The following CCDC50 variants were observed in gnomAD, a reference collection of about 807,000 sequenced individuals.
CCDC50 encodes the protein coiled-coil domain containing 50.
Under a neutral mutation model 70.2 loss-of-function variants are expected in CCDC50, and 54 were observed. The ratio of observed to expected loss-of-function variants is 0.77; its 90% confidence interval spans 0.62 to 0.96. CCDC50 has a LOEUF of 0.96. Ranked by LOEUF, CCDC50 falls within the 50% of genes least tolerant of loss-of-function variation. The probability of loss-of-function intolerance (pLI) is 0.00; values close to 1 mark genes in which losing one functional copy is unlikely to be tolerated. For missense variants in CCDC50, 558 were observed against 578.7 expected, an observed-to-expected ratio of 0.96 and a Z score of 0.37; for synonymous variants, 216 against 198.8, an observed-to-expected ratio of 1.09 and a Z score of -0.73.
At chr3:191,386,916 T>A (rs1000925030) in intron 10 of CCDC50, among the ~76,000 whole-genome samples, 15 of 152,256 alleles carry the variant, frequency 9.9e-5, no homozygotes, top group African/African-American at 3.4e-4. Flanking sequence ...CCAAATTGTT[T>A]TAACTACAGG....
At chr3:191,343,831 A>T (rs1398889599) in intron 1 of CCDC50, among the ~76,000 whole-genome samples, 1 of 152,184 alleles carries the variant, frequency 6.6e-6, no homozygotes. Context: ...TACCAGTTGT[A>T]TTTCAAGAAT....
At chr3:191,360,320 G>A (rs140498461) in intron 3 of CCDC50, among the ~76,000 whole-genome samples, 8 of 152,336 alleles carry the variant, frequency 5.3e-5, no homozygotes, top group African/African-American at 1.7e-4. Context: ...TGTACCAGGA[G>A]ATACATCTTC....
intron 5 of CCDC50, among the ~76,000 whole-genome samples, chr3:191,372,484 G>A (rs1712945123): frequency 6.6e-6 from 1 of 152,026 alleles, no homozygotes; most frequent in Admixed American, 6.6e-5. Context: ...TAATCCTTCT[G>A]GTCTTTGCAG....
At position 191,375,201 on chromosome 3, in the gene CCDC50, A is replaced by T. The variant is rs1480387569; in HGVS notation, c.588A>T (p.Gln196His). ...HPLENLEEPE[Q>H]HCSSKRSLSS... ...TGGAGAACTTGGAAGAGCCAGAACA[A>T]CATTGTTCATCGAAGAGATCCCTGT... The change falls in exon 6 of 12, where the codon CAA becomes CAT. Residue 196 changes from glutamine (Q) to histidine (H), a missense_variant. Coordinates refer to ENST00000392455, the MANE Select transcript of CCDC50 (RefSeq NM_178335.3). 1 of 1,613,670 alleles carries T rather than the reference A, an allele frequency of 6.2e-7. No homozygotes were observed. Among genetic ancestry groups the T allele is most frequent in the South Asian group, 1.1e-5 (1 of 91,082 alleles).
At chr3:191,354,063 CTTCATG>C (rs1712193170) in intron 1 of CCDC50, among the ~76,000 whole-genome samples, 1 of 152,134 alleles carries the variant, frequency 6.6e-6, no homozygotes, top group African/African-American at 2.4e-5. Flanking sequence ...CAAACCATAT[CTTCATG>C]TTCATGGTTT....
intron 10 of CCDC50, 119 bp downstream of exon 10, chr3:191,382,944 A>G (rs2108671162): frequency 1.4e-6 from 1 of 735,348 alleles, no homozygotes; most frequent in Admixed American, 2.2e-5. Context: ...CTGCATTTGT[A>G]AGGTAGTGTC....
intron 1 of CCDC50, 80 bp from the exon 2 acceptor site, chr3:191,357,007 TA>T (rs879004278): frequency 0.19 from 107,130 of 556,316 alleles, 3 homozygotes; most frequent in South Asian, 0.27. Flanking sequence ...TTTTTTAAAG[TA>T]AAAAAAAAAA....
rs552674624 is a variant in CCDC50, at chr3:191,364,363, G to A, written c.330+3204G>A. 8.7e-4 allele frequency among the ~76,000 whole-genome samples: 131 copies of A among 150,426 alleles called. 1 individual carries two copies. Among genetic ancestry groups the A allele is most frequent in the African/African-American group, 3.1e-3 (127 of 40,848 alleles). On this transcript the variant is annotated intron_variant, in intron 4 of 11. Transcript: ENST00000392455. ...ATTATAGGTACGAGCCACCGCGCCC[G>A]GCCTCCTTTTTTTTTTTTTCCCCTT... is the stretch of plus-strand genomic sequence containing the variant.
intron 1 of CCDC50, among the ~76,000 whole-genome samples, chr3:191,350,590 T>G (rs1333159847): frequency 7.1e-6 from 1 of 141,670 alleles, no homozygotes; most frequent in Non-Finnish European, 1.6e-5. Context: ...TTTCACTTCC[T>G]TTTTAGTTTA....
intron 4 of CCDC50, 113 bp downstream of exon 4, chr3:191,361,272 A>C: frequency 1.3e-6 from 1 of 751,782 alleles, no homozygotes; most frequent in Non-Finnish European, 2.4e-6. Flanking sequence ...GGGAAGCAGA[A>C]TGCCTCTTAT....
In CCDC50 at chr3:191,392,385, T is replaced by C. The variant is rs1198771334; in HGVS notation, c.*625T>C. ...CTTTAACACTTCCTCTGCTTTTGCC[T>C]CAGTAGCAAGGCTTTCCTAAGCTCC... On this transcript the variant is annotated 3_prime_UTR_variant, in exon 12 of 12. Coordinates refer to ENST00000392455, the MANE Select transcript of CCDC50 (RefSeq NM_178335.3). 6.6e-6 allele frequency: 1 copy of C among 152,290 alleles called. No individual in the cohort carries two copies. The highest frequency in any genetic ancestry group is 2.4e-5 in the African/African-American group (1 of 41,466). The allele number at this position is 152,290 out of a possible 1,614,324, so 9.4% of individuals were successfully genotyped here.
intron 1 of CCDC50, among the ~76,000 whole-genome samples, chr3:191,353,316 G>C (rs1394696859): frequency 7.0e-6 from 1 of 141,856 alleles, no homozygotes; most frequent in Non-Finnish European, 1.6e-5. Context: ...GGGACTAGTA[G>C]AAGATGTTGA....
Position 191,336,394 on chromosome 3 carries a change from G to A in CCDC50, c.49+6671G>A, listed in dbSNP as rs191046344. Reference sequence around the variant, plus strand: ...AAGTGTGTCATGATATCTTATTGTGGATTTAATTTGTATTTCCCTAATGAC... The same window carrying A: ...AAGTGTGTCATGATATCTTATTGTGAATTTAATTTGTATTTCCCTAATGAC... On this transcript the variant is annotated intron_variant, in intron 1 of 11. Coordinates refer to ENST00000392455, the MANE Select transcript of CCDC50 (RefSeq NM_178335.3). Among the ~76,000 whole-genome samples, 204 of 151,952 alleles carry A rather than the reference G, an allele frequency of 1.3e-3. 1 individual carries two copies. The highest frequency in any genetic ancestry group is 4.7e-3 in the African/African-American group (196 of 41,448).
chr3:191,345,658 G>A (rs946396607), intron 1 of CCDC50, among the ~76,000 whole-genome samples: 1 of 152,000 alleles, frequency 6.6e-6, no homozygotes, highest in Non-Finnish European at 1.5e-5. Context: ...GTGTATCTGC[G>A]GTTAGCCATA....
chr3:191,362,753 G>C (rs1043224455), intron 4 of CCDC50, among the ~76,000 whole-genome samples: 2 of 152,160 alleles, frequency 1.3e-5, no homozygotes, highest in Non-Finnish European at 2.9e-5. Context: ...TCTTGTTCCT[G>C]TAAGACTTCT....
At chr3:191,389,695 A>G (rs1576977881) in intron 11 of CCDC50, 93 bp downstream of exon 11, 1 of 949,810 alleles carries the variant, frequency 1.1e-6, no homozygotes, top group East Asian at 2.4e-5. Context: ...GTTCCACTAG[A>G]GTGGAAAAAT....
chr3:191,376,783 A>G (rs886377234), intron 6 of CCDC50, among the ~76,000 whole-genome samples: 3 of 152,116 alleles, frequency 2.0e-5, no homozygotes, highest in Admixed American at 2.0e-4. Flanking sequence ...AAATAGAGGA[A>G]AGTGTGATAT....
At chr3:191,334,304 A>T (rs1333021486) in intron 1 of CCDC50, among the ~76,000 whole-genome samples, 1 of 152,224 alleles carries the variant, frequency 6.6e-6, no homozygotes, top group East Asian at 1.9e-4. Flanking sequence ...GGAAGAAAAT[A>T]GTATATTGCC....
At chr3:191,384,606 G>T (rs1405075124) in intron 10 of CCDC50, among the ~76,000 whole-genome samples, 1 of 152,096 alleles carries the variant, frequency 6.6e-6, no homozygotes, top group East Asian at 1.9e-4. Context: ...CAATTTCTTT[G>T]TCTGTTACAG....
Sources: gnomAD v4.1 joint callset for allele counts (sites outside exome capture counted in the v4.1 genomes callset) on GRCh38, gnomAD v4.1.1 for gene constraint, MANE v1.5 for transcripts, NCBI Gene and HGNC (gene_info 2026-07-23, HGNC 2026-07-21) for gene names.